The following FUT9 variants were observed in gnomAD, a reference collection of about 807,000 sequenced individuals.
FUT9 encodes 4-galactosyl-N-acetylglucosaminide 3-alpha-L-fucosyltransferase 9.
FUT9 carries 15 observed loss-of-function variants against 29.7 expected under a neutral mutation model. The ratio of observed to expected loss-of-function variants is 0.51; its 90% CI spans 0.34 to 0.78. The LOEUF (loss-of-function observed/expected upper bound fraction) is 0.78. FUT9 is among the 30% of genes least tolerant of loss of function. The pLI is 0.01. For missense variants in FUT9, 319 were observed against 425.4 expected, an observed-to-expected ratio of 0.75 and a Z score of 2.20; for synonymous variants, 169 against 153.7, an observed-to-expected ratio of 1.10 and a Z score of -0.74.
intron 1 of FUT9, among the ~76,000 whole-genome samples, chr6:96,025,704 G>C (rs1310984517): frequency 6.6e-6 from 1 of 151,572 alleles, no homozygotes; most frequent in Non-Finnish European, 1.5e-5. Context: ...TAGGCCTGCA[G>C]GGCTCTCATC....
intron 1 of FUT9, among the ~76,000 whole-genome samples, chr6:96,079,521 G>T (rs190635404): frequency 1.3e-4 from 20 of 152,162 alleles, no homozygotes; most frequent in African/African-American, 4.8e-4. Context: ...TTTTGGTAAG[G>T]TTGTTGAAAG....
chr6:96,130,894 CAA>C (rs1184542468), intron 2 of FUT9, among the ~76,000 whole-genome samples: 1 of 152,142 alleles, frequency 6.6e-6, no homozygotes, highest in Non-Finnish European at 1.5e-5. Context: ...TTTCTGAACT[CAA>C]GTTATTTTAG....
At chr6:96,179,648 A>G (rs974372810) in intron 2 of FUT9, among the ~76,000 whole-genome samples, 5 of 152,170 alleles carry the variant, frequency 3.3e-5, no homozygotes, top group Non-Finnish European at 7.4e-5. Context: ...AGTTTTGGTT[A>G]AGTTACCTTG....
intron 2 of FUT9, among the ~76,000 whole-genome samples, chr6:96,147,122 C>T (rs142667736): frequency 0.022 from 3,324 of 151,910 alleles, 48 homozygotes; most frequent in Non-Finnish European, 0.029. Context: ...CATAGTAGCA[C>T]GATCTTTTCT....
chr6:96,093,661 G>C (rs1438601822), intron 1 of FUT9, among the ~76,000 whole-genome samples: 1 of 151,998 alleles, frequency 6.6e-6, no homozygotes, highest in East Asian at 1.9e-4. Context: ...TATTATTTAT[G>C]AGCAAATAAT....
At chr6:96,190,494 C>A (rs1194562254) in intron 2 of FUT9, among the ~76,000 whole-genome samples, 2 of 152,164 alleles carry the variant, frequency 1.3e-5, no homozygotes, top group African/African-American at 4.8e-5. Flanking sequence ...TAATACCCTG[C>A]AGATTGTTTT....
At chr6:96,073,015 A>G (rs192782220) in intron 1 of FUT9, among the ~76,000 whole-genome samples, 1 of 152,308 alleles carries the variant, frequency 6.6e-6, no homozygotes, top group African/African-American at 2.4e-5. Flanking sequence ...GGAGAGATAC[A>G]CATGAACAAA....
At chr6:96,144,067 C>T (rs1209244229) in intron 2 of FUT9, among the ~76,000 whole-genome samples, 1 of 152,214 alleles carries the variant, frequency 6.6e-6, no homozygotes, top group Non-Finnish European at 1.5e-5. Context: ...GTTTACCCTG[C>T]TCTTGTTCAG....
At chr6:96,109,633 A>G (rs548905177) in intron 1 of FUT9, among the ~76,000 whole-genome samples, 6 of 152,242 alleles carry the variant, frequency 3.9e-5, no homozygotes, top group Non-Finnish European at 7.3e-5. Context: ...TTGCAAATCC[A>G]AACACTTATT....
intron 2 of FUT9, among the ~76,000 whole-genome samples, chr6:96,142,629 GAGA>G (rs1279726236): frequency 1.3e-5 from 2 of 152,020 alleles, no homozygotes; most frequent in African/African-American, 4.8e-5. Flanking sequence ...ACCCCCACCT[GAGA>G]AGTTCATTTT....
intron 2 of FUT9, among the ~76,000 whole-genome samples, chr6:96,170,203 C>G (rs1773086134): frequency 6.6e-6 from 1 of 152,022 alleles, no homozygotes; most frequent in Non-Finnish European, 1.5e-5. Context: ...TGAAATAATT[C>G]AGGAAAATTG....
intron 1 of FUT9, among the ~76,000 whole-genome samples, chr6:96,093,310 C>T (rs1263764389): frequency 1.3e-5 from 2 of 152,094 alleles, no homozygotes; most frequent in African/African-American, 2.4e-5. Flanking sequence ...ATAGGATTCT[C>T]TTATTTTGAT....
chr6:96,111,005 A>G (rs1279751093), intron 1 of FUT9, among the ~76,000 whole-genome samples: 2 of 152,174 alleles, frequency 1.3e-5, no homozygotes, highest in African/African-American at 2.4e-5. Context: ...ACAAAATTCC[A>G]TGCAAACCCA....
chr6:96,135,347 A>C (rs1772327265), intron 2 of FUT9, among the ~76,000 whole-genome samples: 1 of 151,926 alleles, frequency 6.6e-6, no homozygotes, highest in Admixed American at 6.6e-5. Flanking sequence ...TATTTTGAAC[A>C]ATATTGTAGC....
chr6:96,035,728 T>TA lies in FUT9; in HGVS notation c.-98+19518dup, dbSNP rs1281152847. On this transcript the variant is annotated intron_variant, in intron 1 of 2. Coordinates refer to ENST00000302103, the MANE Select transcript of FUT9 (RefSeq NM_006581.4). ...ATATAATTTATTATACTAATAAATATAACATATTTATTATACTAATATAAT... is the reference window on the plus strand; with the variant it reads ...ATATAATTTATTATACTAATAAATATAAACATATTTATTATACTAATATAAT... Among the ~76,000 whole-genome samples, 3 of 137,230 alleles carry TA rather than the reference T, an allele frequency of 2.2e-5. No individual in the cohort carries two copies. The East Asian group carries it at 6.1e-4, about 28-fold the overall frequency. The allele number at this position is 137,230 out of a possible 152,430, so 90.0% of individuals were successfully genotyped here.
intron 1 of FUT9, among the ~76,000 whole-genome samples, chr6:96,032,408 A>G (rs573675052): frequency 2.0e-5 from 3 of 151,548 alleles, no homozygotes; most frequent in Non-Finnish European, 4.4e-5. Flanking sequence ...TTTTTTTCGC[A>G]TAATACATGT....
At chr6:96,137,275 G>A (rs1367832304) in intron 2 of FUT9, among the ~76,000 whole-genome samples, 1 of 151,932 alleles carries the variant, frequency 6.6e-6, no homozygotes, top group Admixed American at 6.6e-5. Context: ...GGAGTAATTT[G>A]ATAAACAAAA....
At chr6:96,021,785 G>A (rs1770073950) in intron 1 of FUT9, among the ~76,000 whole-genome samples, 4 of 151,922 alleles carry the variant, frequency 2.6e-5, no homozygotes, top group African/African-American at 7.3e-5. Context: ...ACACGGACTG[G>A]ACAATTACTT....
At chr6:96,115,255 T>C (rs1426187472) in intron 2 of FUT9, among the ~76,000 whole-genome samples, 1 of 152,234 alleles carries the variant, frequency 6.6e-6, no homozygotes, top group Non-Finnish European at 1.5e-5. Context: ...GTCTTAATGA[T>C]ATATTTTATT....
Sources: gnomAD v4.1 joint callset for allele counts (sites outside exome capture counted in the v4.1 genomes callset) on GRCh38, gnomAD v4.1.1 for gene constraint, MANE v1.5 for transcripts, NCBI Gene and HGNC (gene_info 2026-07-23, HGNC 2026-07-21) for gene names.